The following WDFY1 variants were observed in gnomAD, a reference collection of about 807,000 sequenced individuals.
The protein encoded by WDFY1 is WD repeat and FYVE domain-containing protein 1.
In WDFY1, 32 loss-of-function variants were observed where a neutral mutation model predicts 56.4. The ratio of observed to expected loss-of-function variants is 0.57; its 90% confidence interval spans 0.43 to 0.76. The LOEUF (loss-of-function observed/expected upper bound fraction) is 0.76, where lower values mean the gene tolerates loss of function less well. Ranked by LOEUF, WDFY1 falls within the 30% of genes least tolerant of loss-of-function variation. The pLI is 0.00. For missense variants in WDFY1, 480 were observed against 545.7 expected, an observed-to-expected ratio of 0.88 and a Z score of 1.20; for synonymous variants, 192 against 197.3, an observed-to-expected ratio of 0.97 and a Z score of 0.23.
intron 1 of WDFY1, 38 bp from the exon 2 acceptor site, chr2:223,918,048 A>G: frequency 6.2e-7 from 1 of 1,600,396 alleles, no homozygotes; most frequent in Non-Finnish European, 8.5e-7. Context: ...AGTAGGTTTT[A>G]GTAATTTTAT....
intron 1 of WDFY1, among the ~76,000 whole-genome samples, chr2:223,923,909 T>G (rs1693933674): frequency 6.6e-6 from 1 of 152,222 alleles, no homozygotes; most frequent in South Asian, 2.1e-4. Flanking sequence ...ATGTTTTCCT[T>G]TAATATTTTG....
At chr2:223,892,956 A>G (rs640723) in intron 8 of WDFY1, among the ~76,000 whole-genome samples, 141,622 of 152,256 alleles carry the variant, frequency 0.93, 65,934 homozygotes, top group South Asian at 0.96. Flanking sequence ...ATCCCTCATG[A>G]TCTAAAATCT....
intron 3 of WDFY1, among the ~76,000 whole-genome samples, chr2:223,910,613 A>G (rs982404958): frequency 1.3e-5 from 2 of 152,152 alleles, no homozygotes; most frequent in African/African-American, 4.8e-5. Context: ...TATTTCTCCA[A>G]AGAAGATATA....
intron 2 of WDFY1, 73 bp from the exon 3 acceptor site, chr2:223,912,399 C>G (rs1043366746): frequency 1.4e-6 from 1 of 728,866 alleles, no homozygotes; most frequent in Middle Eastern, 2.8e-4. Context: ...TGATTAAGAA[C>G]TATATGATAA....
chr2:223,884,045 CTT>C (rs1194002648), intron 9 of WDFY1, among the ~76,000 whole-genome samples: 17 of 141,016 alleles, frequency 1.2e-4, no homozygotes, highest in Non-Finnish European at 1.6e-4. Context: ...TACTTACCTG[CTT>C]TTTTTTTTTT....
chr2:223,929,190 T>TTTTCTG (rs1553538015), intron 1 of WDFY1, among the ~76,000 whole-genome samples: 1 of 101,072 alleles, frequency 9.9e-6, no homozygotes, highest in African/African-American at 3.7e-5. Context: ...CTGTTTTTTG[T>TTTTCTG]TTTTTTTTTT....
In WDFY1 at chr2:223,901,179, A is replaced by C; in HGVS notation, c.485+4T>G. The stretch of plus-strand genomic sequence containing the variant: ...AAGGAGAGGTCCGTGGCTCTGAAGG[A>C]TACTGCAGACACGAAGCCCAGGACG... On this transcript the variant is annotated splice_donor_region_variant and intron_variant, in intron 5 of 11. Coordinates refer to ENST00000233055, the MANE Select transcript of WDFY1 (RefSeq NM_020830.5). The C allele has an allele frequency of 6.2e-7, 1 of 1,613,034 alleles. No individual in the cohort carries two copies. The highest frequency in any genetic ancestry group is 8.5e-7 in the Non-Finnish European group (1 of 1,179,444).
Position 223,878,704 on chromosome 2 carries a change from G to A in WDFY1, c.1200C>T (p.Gly400=). The change falls in exon 12 of 12, where the codon GGC becomes GGT. Residue 400 remains glycine (G), a synonymous_variant. Coordinates refer to ENST00000233055, the MANE Select transcript of WDFY1 (RefSeq NM_020830.5). ...GAGAAAACCCAGTCGCCAGACTGCA[G>A]CCCACCACAGGTGTCATGTCCCAGA... ...VKIWDMTPVV[G]CSLATGFSPH is the part of the protein sequence containing the mutation. 6.2e-7 allele frequency: 1 copy of A among 1,613,624 alleles called. No individual in the cohort carries two copies. Among genetic ancestry groups the A allele is most frequent in the Non-Finnish European group, 8.5e-7 (1 of 1,179,816 alleles).
At chr2:223,944,479 C>T (rs1271980944) in intron 1 of WDFY1, among the ~76,000 whole-genome samples, 2 of 151,414 alleles carry the variant, frequency 1.3e-5, no homozygotes, top group Non-Finnish European at 2.9e-5. Flanking sequence ...AACAGGGGTC[C>T]CCGGCTTGAG....
chr2:223,880,782 G>A (rs1693055573), intron 10 of WDFY1, among the ~76,000 whole-genome samples: 1 of 140,710 alleles, frequency 7.1e-6, no homozygotes, highest in Admixed American at 7.2e-5. Flanking sequence ...TTTTTTACTG[G>A]AAAGGCTGAT....
At chr2:223,895,060 C>T (rs1693341274) in intron 7 of WDFY1, among the ~76,000 whole-genome samples, 1 of 152,196 alleles carries the variant, frequency 6.6e-6, no homozygotes, top group African/African-American at 2.4e-5. Flanking sequence ...GACAACATTT[C>T]TTAATTTAAT....
At chr2:223,891,597 A>G (rs977950124) in intron 8 of WDFY1, among the ~76,000 whole-genome samples, 1 of 151,926 alleles carries the variant, frequency 6.6e-6, no homozygotes, top group African/African-American at 2.4e-5. Context: ...TGATGGGACT[A>G]TTTTTTCTTT....
At chr2:223,884,167 T>A (rs920349212) in intron 9 of WDFY1, among the ~76,000 whole-genome samples, 5 of 151,852 alleles carry the variant, frequency 3.3e-5, no homozygotes, top group Non-Finnish European at 7.4e-5. Context: ...ACTCAAAACA[T>A]GCTTAATAAA....
At chr2:223,913,460 C>T (rs1693737816) in intron 2 of WDFY1, among the ~76,000 whole-genome samples, 1 of 152,022 alleles carries the variant, frequency 6.6e-6, no homozygotes, top group South Asian at 2.1e-4. Context: ...GTGCACAAAA[C>T]AATTAGAATT....
At chr2:223,886,731 A>T (rs888069351) in intron 8 of WDFY1, among the ~76,000 whole-genome samples, 7 of 149,896 alleles carry the variant, frequency 4.7e-5, no homozygotes, top group African/African-American at 1.7e-4. Context: ...ACTCCGTCTA[A>T]AAAAAAAAAA....
At chr2:223,900,868 C>A in intron 5 of WDFY1, 1 of 207,922 alleles carries the variant, frequency 4.8e-6, no homozygotes, top group Non-Finnish European at 9.5e-6. Context: ...CTTGGGTTTT[C>A]CACAATTTTG....
chr2:223,901,885 A>C (rs1029570829), intron 4 of WDFY1, among the ~76,000 whole-genome samples: 4 of 152,218 alleles, frequency 2.6e-5, no homozygotes, highest in African/African-American at 9.6e-5. Context: ...TTATTTACAA[A>C]GACAAAGCTT....
At chr2:223,920,894 C>T (rs980798354) in intron 1 of WDFY1, among the ~76,000 whole-genome samples, 6 of 152,208 alleles carry the variant, frequency 3.9e-5, no homozygotes, top group Admixed American at 3.3e-4. Flanking sequence ...CATCACATCG[C>T]TTTGTTTACA....
intron 6 of WDFY1, 120 bp from the exon 7 acceptor site, chr2:223,895,750 C>G (rs1179685358): frequency 7.3e-7 from 1 of 1,375,730 alleles, no homozygotes; most frequent in East Asian, 2.5e-5. Context: ...AGTCTTTAAG[C>G]AAAAAGGTAT....
Sources: gnomAD v4.1 joint callset for allele counts (sites outside exome capture counted in the v4.1 genomes callset) on GRCh38, gnomAD v4.1.1 for gene constraint, MANE v1.5 for transcripts, NCBI Gene and HGNC (gene_info 2026-07-23, HGNC 2026-07-21) for gene names.